The following ZNF547 variants were observed in gnomAD, a reference collection of about 807,000 sequenced individuals.
The protein encoded by ZNF547 is zinc finger protein 547.
In ZNF547, 4 loss-of-function variants were observed where a neutral mutation model predicts 7.7. The ratio of observed to expected loss-of-function variants is 0.52; its 90% CI spans 0.26 to 1.20. The LOEUF (loss-of-function observed/expected upper bound fraction) is 1.20, where lower values mean the gene tolerates loss of function less well. ZNF547 is among the 50% of genes most tolerant of loss of function. ZNF547 has a pLI of 0.14. For synonymous variants in ZNF547, 166 were observed against 166.2 expected (o/e 1.00, Z 0.01); for missense variants, 449 against 485.8 (o/e 0.92, Z 0.71).
At position 57,367,276 on chromosome 19, in the gene ZNF547, A is replaced by G. The variant is rs563341864; in HGVS notation, c.-12-1268A>G. Among the ~76,000 whole-genome samples, 6 of 152,284 alleles carry G rather than the reference A, an allele frequency of 3.9e-5. No homozygotes were observed. In the South Asian group the frequency reaches 1.0e-3, roughly 26 times the overall value. ...GTAAATGTCCATTGAAAAGCAAGTA[A>G]CACAACCTGTGCTAACTGGGAGCAC... On this transcript the variant is annotated intron_variant, in intron 1 of 3. Transcript: ENST00000282282.
chr19:57,376,947 C>G (rs777929490), intron 3 of ZNF547, among the ~76,000 whole-genome samples, 181 bp from the exon 4 acceptor site: 1 of 152,152 alleles, frequency 6.6e-6, no homozygotes, highest in South Asian at 2.1e-4. Flanking sequence ...GTGCTGAAAC[C>G]GTTGTCATGG....
intron 2 of ZNF547, among the ~76,000 whole-genome samples, chr19:57,371,363 AAC>A (rs1463408669): frequency 1.3e-5 from 2 of 152,246 alleles, no homozygotes; most frequent in African/African-American, 4.8e-5. Flanking sequence ...CATACCACAT[AAC>A]ACAGGGCCAC....
At position 57,378,299 on chromosome 19, in the gene ZNF547, T is replaced by C. The variant is rs761287574; in HGVS notation, c.*114T>C. 3 of 944,984 alleles carry C rather than the reference T, an allele frequency of 3.2e-6. No individual in the cohort carries two copies. Among genetic ancestry groups the C allele is most frequent in the Admixed American group, 4.2e-5 (2 of 47,562 alleles). The allele number at this position is 944,984 out of a possible 1,614,324, so 58.5% of individuals were successfully genotyped here. On this transcript the variant is annotated 3_prime_UTR_variant, in exon 4 of 4. Transcript: ENST00000282282. ...TGAATGCCGTGAACGTGGGTAATTA[T>C]GTAGGTACAGCTCTCCAGTCGCTAT... is the stretch of plus-strand genomic sequence containing the variant.
At chr19:57,376,029 G>A (rs572582860) in intron 3 of ZNF547, among the ~76,000 whole-genome samples, 1 of 152,258 alleles carries the variant, frequency 6.6e-6, no homozygotes, top group South Asian at 2.1e-4. Flanking sequence ...CAGGCGTGGT[G>A]GCACGTGCCT....
In ZNF547 at chr19:57,368,487, C is replaced by A. The variant is rs1224122922; in HGVS notation, c.-12-57C>A. 5.1e-6 allele frequency: 8 copies of A among 1,557,958 alleles called. No homozygotes were observed. In the African/African-American group the frequency reaches 5.4e-5, roughly 11 times the overall value. ...AGGAAGAAGAGATGGTGGTCCAACT[C>A]TGCCTGTAAGATCTTCCCATCGTTG... On this transcript the variant is annotated intron_variant, in intron 1 of 3. Coordinates refer to ENST00000282282, the MANE Select transcript of ZNF547 (RefSeq NM_173631.4).
At chr19:57,364,440 T>TCTCGGTGGTGGCCGTA in intron 1 of ZNF547, 1 of 282,548 alleles carries the variant, frequency 3.5e-6, no homozygotes, top group Non-Finnish European at 6.9e-6. Context: ...CTGGTGTAGA[T>TCTCGGTGGTGGCCGTA]TCTTCAAAAG....
intron 3 of ZNF547, among the ~76,000 whole-genome samples, chr19:57,375,942 C>T (rs1190176276): frequency 6.6e-6 from 1 of 151,958 alleles, no homozygotes; most frequent in Non-Finnish European, 1.5e-5. Flanking sequence ...GAGGGCGGAT[C>T]ACCTGAGGTC....
intron 2 of ZNF547, among the ~76,000 whole-genome samples, chr19:57,369,903 T>TTTTTTTTTTTG (rs1223573921): frequency 9.0e-6 from 1 of 110,522 alleles, no homozygotes; most frequent in African/African-American, 3.5e-5. Context: ...ACAGTTCTTT[T>TTTTTTTTTTTG]TTTTTTTTTT....
Position 57,371,817 on chromosome 19 carries a change from C to A in ZNF547, c.60C>A (p.Phe20Leu), listed in dbSNP as rs150796522. The A allele has an allele frequency of 3.1e-6, 5 of 1,613,140 alleles. No individual in the cohort carries two copies. In the African/African-American group the frequency reaches 4.0e-5, roughly 13 times the overall value. Residue 20 changes from phenylalanine to leucine, a missense_variant, in exon 3 of 4, where the codon TTC (phenylalanine) becomes TTA (leucine). Coordinates refer to ENST00000282282, the MANE Select transcript of ZNF547 (RefSeq NM_173631.4). ...TTTTTGAAGACGTGGCCATATATTT[C>A]TCCCAGGAGGAGTGGGGGCATCTCG... is the stretch of plus-strand genomic sequence containing the variant. ...HVVFEDVAIY[F>L]SQEEWGHLDE...
At chr19:57,366,859 A>G (rs2088474127) in intron 1 of ZNF547, among the ~76,000 whole-genome samples, 1 of 152,256 alleles carries the variant, frequency 6.6e-6, no homozygotes, top group African/African-American at 2.4e-5. Context: ...ATAAAAATGT[A>G]TTGGCAGTAT....
At chr19:57,373,738 C>T (rs1600078044) in intron 3 of ZNF547, among the ~76,000 whole-genome samples, 1 of 152,288 alleles carries the variant, frequency 6.6e-6, no homozygotes, top group East Asian at 1.9e-4. Context: ...GTCATTAAAT[C>T]TTAATGCTCT....
At chr19:57,365,939 A>G (rs542019836) in intron 1 of ZNF547, among the ~76,000 whole-genome samples, 1 of 148,146 alleles carries the variant, frequency 6.8e-6, no homozygotes, top group Non-Finnish European at 1.5e-5. Context: ...ATCTTGGCTC[A>G]CTGCAACCTC....
chr19:57,368,612 A>G, intron 2 of ZNF547, 33 bp downstream of exon 2: 4 of 1,612,614 alleles, frequency 2.5e-6, no homozygotes, highest in Non-Finnish European at 3.4e-6. Flanking sequence ...TTCACCTACC[A>G]GTTATCTCAT....
chr19:57,366,037 G>C (rs1333393077), intron 1 of ZNF547, among the ~76,000 whole-genome samples: 1 of 149,326 alleles, frequency 6.7e-6, no homozygotes, highest in African/African-American at 2.5e-5. Context: ...GCTAATTTTT[G>C]TATTTTTAGT....
In ZNF547 at chr19:57,378,295, A is replaced by T. The variant is rs1050215077; in HGVS notation, c.*110A>T. 4.1e-6 allele frequency: 4 copies of T among 974,898 alleles called. No homozygotes were observed. The Admixed American group carries it at 8.4e-5, about 20-fold the overall frequency. The allele number at this position is 974,898 out of a possible 1,614,324, so 60.4% of individuals were successfully genotyped here. The stretch of plus-strand genomic sequence containing the variant: ...AGACTGAATGCCGTGAACGTGGGTA[A>T]TTATGTAGGTACAGCTCTCCAGTCG... On this transcript the variant is annotated 3_prime_UTR_variant, in exon 4 of 4. Transcript: ENST00000282282.
At chr19:57,371,498 T>G (rs555257521) in intron 2 of ZNF547, 31 of 338,940 alleles carry the variant, frequency 9.1e-5, no homozygotes, top group Non-Finnish European at 1.5e-4. Flanking sequence ...TTGGCTAGTT[T>G]TAGTAATTCC....
At chr19:57,371,616 T>C in intron 2 of ZNF547, 166 bp from the exon 3 acceptor site, 17 of 1,046,962 alleles carry the variant, frequency 1.6e-5, no homozygotes, top group Non-Finnish European at 2.2e-5. Flanking sequence ...GAGATGGAGA[T>C]GGTTAAGAAT....
At chr19:57,365,807 A>G (rs2088464785) in intron 1 of ZNF547, among the ~76,000 whole-genome samples, 1 of 150,684 alleles carries the variant, frequency 6.6e-6, no homozygotes, top group Non-Finnish European at 1.5e-5. Flanking sequence ...ACTCCCGGCC[A>G]TGAAATATTT....
chr19:57,365,009 T>A (rs572801179), intron 1 of ZNF547: 5 of 1,612,750 alleles, frequency 3.1e-6, no homozygotes, highest in Middle Eastern at 3.3e-4. Flanking sequence ...TCGAACAACA[T>A]GTACTTGAAA....
Sources: allele counts gnomAD v4.1 joint callset (sites outside exome capture counted in the v4.1 genomes callset), GRCh38; gene constraint gnomAD v4.1.1; transcripts MANE v1.5; gene names NCBI Gene and HGNC (gene_info 2026-07-23, HGNC 2026-07-21).